LRMDA: variants seen among roughly 807,000 people sequenced by gnomAD.
LRMDA encodes the protein leucine rich melanocyte differentiation associated.
LRMDA carries 18 observed loss-of-function variants against 29.8 expected under a neutral mutation model. The ratio of observed to expected loss-of-function variants is 0.60; its 90% CI spans 0.42 to 0.90. The LOEUF is 0.90. LRMDA is among the 40% of genes least tolerant of loss of function. LRMDA has a pLI of 0.00. For missense variants in LRMDA, 273 were observed against 273.9 expected, an observed-to-expected ratio of 1.00 and a Z score of 0.02; for synonymous variants, 125 against 109.4, an observed-to-expected ratio of 1.14 and a Z score of -0.89.
At chr10:76,212,140 T>A (rs926076025) in intron 5 of LRMDA, among the ~76,000 whole-genome samples, 1 of 151,920 alleles carries the variant, frequency 6.6e-6, no homozygotes, top group African/African-American at 2.4e-5. Flanking sequence ...TGACTATTAT[T>A]TAAAACCAAA....
chr10:75,902,996 T>C (rs1367898346), intron 2 of LRMDA, among the ~76,000 whole-genome samples: 1 of 152,158 alleles, frequency 6.6e-6, no homozygotes, highest in Non-Finnish European at 1.5e-5. Flanking sequence ...CCACAGAGAA[T>C]CTTCTACAGC....
chr10:76,285,579 G>A (rs1031278032), intron 5 of LRMDA, among the ~76,000 whole-genome samples: 1 of 152,136 alleles, frequency 6.6e-6, no homozygotes, highest in African/African-American at 2.4e-5. Context: ...GGTAGGGAGT[G>A]TTTTCTACCT....
At chr10:75,734,782 G>A (rs1440519923) in intron 2 of LRMDA, among the ~76,000 whole-genome samples, 1 of 152,200 alleles carries the variant, frequency 6.6e-6, no homozygotes, top group African/African-American at 2.4e-5. Flanking sequence ...ATAGGATGGA[G>A]GGAGTGGCCA....
intron 6 of LRMDA, among the ~76,000 whole-genome samples, chr10:76,429,521 G>A (rs1004409178): frequency 1.9e-4 from 29 of 152,208 alleles, no homozygotes; most frequent in African/African-American, 6.7e-4. Context: ...TCAGGGAGGC[G>A]CGTACAAGCG....
intron 2 of LRMDA, among the ~76,000 whole-genome samples, chr10:76,014,259 A>C (rs949800444): frequency 4.0e-5 from 6 of 150,570 alleles, no homozygotes; most frequent in Non-Finnish European, 7.4e-5. Flanking sequence ...CATATGACCC[A>C]CAAATCCTAA....
chr10:75,468,360 A>G (rs1231225763), intron 2 of LRMDA, among the ~76,000 whole-genome samples: 1 of 152,092 alleles, frequency 6.6e-6, no homozygotes, highest in African/African-American at 2.4e-5. Context: ...CTCCCATGCT[A>G]TCTTCATTTC....
chr10:76,490,097 A>G (rs1842818152), intron 6 of LRMDA, among the ~76,000 whole-genome samples: 1 of 151,996 alleles, frequency 6.6e-6, no homozygotes, highest in African/African-American at 2.4e-5. Flanking sequence ...GTGTTTATAT[A>G]GTTTCTATAA....
At chr10:76,315,609 AAGC>A (rs60359975) in intron 5 of LRMDA, among the ~76,000 whole-genome samples, 96,918 of 151,718 alleles carry the variant, frequency 0.64, 33,555 homozygotes, top group Non-Finnish European at 0.8. Flanking sequence ...TGAGCGCAGG[AAGC>A]AGCAGCCCAG....
intron 2 of LRMDA, among the ~76,000 whole-genome samples, chr10:75,480,362 G>T (rs998715483): frequency 1.4e-5 from 2 of 146,478 alleles, no homozygotes; most frequent in African/African-American, 2.6e-5. Context: ...AACAGACGAT[G>T]TCCAGATCTC....
intron 2 of LRMDA, among the ~76,000 whole-genome samples, chr10:75,827,852 T>C (rs1334064972): frequency 6.6e-6 from 1 of 152,182 alleles, no homozygotes; most frequent in African/African-American, 2.4e-5. Context: ...TGAAAGATGG[T>C]GATCTTTGGT....
At chr10:75,647,119 C>T (rs2132123734) in intron 2 of LRMDA, among the ~76,000 whole-genome samples, 1 of 152,334 alleles carries the variant, frequency 6.6e-6, no homozygotes, top group East Asian at 1.9e-4. Flanking sequence ...CTCTTGCTGC[C>T]AGACTTTCCT....
intron 5 of LRMDA, among the ~76,000 whole-genome samples, chr10:76,200,714 CT>C (rs545738244): frequency 2.7e-3 from 387 of 142,632 alleles, no homozygotes; most frequent in Non-Finnish European, 4.3e-3. Context: ...TTTTCTTTTT[CT>C]TTTTTTTTTT....
intron 6 of LRMDA, among the ~76,000 whole-genome samples, chr10:76,468,723 A>G (rs1842588697): frequency 6.6e-6 from 1 of 152,208 alleles, no homozygotes; most frequent in Non-Finnish European, 1.5e-5. Flanking sequence ...TAGGGATTTA[A>G]AAGTTAAACT....
chr10:76,545,548 T>G (rs1452341932), intron 6 of LRMDA, among the ~76,000 whole-genome samples: 1 of 151,922 alleles, frequency 6.6e-6, no homozygotes, highest in Non-Finnish European at 1.5e-5. Flanking sequence ...AAAGAAACTG[T>G]TTTCTTCTTT....
chr10:76,128,350 G>A (rs1263494700), intron 5 of LRMDA, among the ~76,000 whole-genome samples: 1 of 152,226 alleles, frequency 6.6e-6, no homozygotes, highest in African/African-American at 2.4e-5. Flanking sequence ...CCCTGAGTTG[G>A]TGTGGATGGG....
At chr10:76,287,678 A>G (rs570448611) in intron 5 of LRMDA, among the ~76,000 whole-genome samples, 56 of 152,312 alleles carry the variant, frequency 3.7e-4, no homozygotes, top group African/African-American at 1.2e-3. Context: ...CATTGTATTC[A>G]TAAACACTCT....
intron 2 of LRMDA, among the ~76,000 whole-genome samples, chr10:75,526,484 G>A (rs576324559): frequency 6.6e-6 from 1 of 152,132 alleles, no homozygotes; most frequent in African/African-American, 2.4e-5. Flanking sequence ...AGTACAAAAA[G>A]AGGCATATAC....
At chr10:75,589,854 C>A (rs1426131566) in intron 2 of LRMDA, among the ~76,000 whole-genome samples, 1 of 151,298 alleles carries the variant, frequency 6.6e-6, no homozygotes, top group East Asian at 1.9e-4. Flanking sequence ...TTTGTTTGTG[C>A]ATGTGTGTAC....
At chr10:76,112,298 TG>T (rs1564655851) in intron 5 of LRMDA, among the ~76,000 whole-genome samples, 5 of 152,090 alleles carry the variant, frequency 3.3e-5, no homozygotes, top group African/African-American at 9.7e-5. Context: ...CTGAGCACAC[TG>T]GGGGCATGCA....
Sources: gnomAD v4.1 joint callset for allele counts (sites outside exome capture counted in the v4.1 genomes callset) on GRCh38, gnomAD v4.1.1 for gene constraint, MANE v1.5 for transcripts, NCBI Gene and HGNC (gene_info 2026-07-23, HGNC 2026-07-21) for gene names.